Variants in OR2C1 observed in about 807,000 individuals in gnomAD.
OR2C1 encodes olfactory receptor 2C1.
For missense variants in OR2C1, 468 were observed against 388.3 expected (o/e 1.21, Z -1.73); for synonymous variants, 209 against 167.3 (o/e 1.25, Z -1.92).
chr16:3,323,984 C>G, the OR2C1 span: 2 of 512,964 alleles, frequency 3.9e-6, no homozygotes, highest in East Asian at 6.0e-5. Context: ...AATAGGTATA[C>G]TTCCAACATA....
chr16:3,338,376 C>T, the OR2C1 span, among the ~76,000 whole-genome samples: 2 of 152,018 alleles, frequency 1.3e-5, no homozygotes, highest in Admixed American at 6.6e-5. Context: ...TGGTTGTCCA[C>T]CTTGATCTTT....
the OR2C1 span, among the ~76,000 whole-genome samples, chr16:3,344,947 G>GTA: frequency 6.1e-3 from 928 of 151,558 alleles, 4 homozygotes; most frequent in Non-Finnish European, 0.01. Flanking sequence ...ATGTATGTGT[G>GTA]TATATATATA....
chr16:3,339,237 A>G, the OR2C1 span, among the ~76,000 whole-genome samples: 1 of 150,128 alleles, frequency 6.7e-6, no homozygotes, highest in Non-Finnish European at 1.5e-5. Context: ...TCAATCTACC[A>G]CAATTTGTTT....
At chr16:3,342,664 G>C in the OR2C1 span, among the ~76,000 whole-genome samples, 1 of 152,300 alleles carries the variant, frequency 6.6e-6, no homozygotes, top group South Asian at 2.1e-4. Flanking sequence ...TGGATCATGA[G>C]GTCGGGAGTT....
the OR2C1 span, among the ~76,000 whole-genome samples, chr16:3,325,490 T>A: frequency 1.2e-5 from 1 of 84,888 alleles, no homozygotes; most frequent in African/African-American, 3.3e-5. Context: ...TATATATATA[T>A]ATATATATAT....
At chr16:3,332,985 A>G in the OR2C1 span, among the ~76,000 whole-genome samples, 5 of 152,026 alleles carry the variant, frequency 3.3e-5, no homozygotes, top group African/African-American at 9.7e-5. Context: ...ACTAATTTAC[A>G]TTCCCAACAA....
the OR2C1 span, among the ~76,000 whole-genome samples, chr16:3,345,776 T>C: frequency 1.3e-5 from 2 of 149,078 alleles, no homozygotes; most frequent in Non-Finnish European, 1.5e-5. Flanking sequence ...TTTCTCTCCC[T>C]CTTTCTTTTT....
upstream of OR2C1, among the ~76,000 whole-genome samples, chr16:3,355,292 C>G (rs1301505473): frequency 6.6e-6 from 1 of 151,056 alleles, no homozygotes; most frequent in Non-Finnish European, 1.5e-5. Flanking sequence ...GAAACCCCGT[C>G]TCTACTAAAA....
chr16:3,344,029 G>A, the OR2C1 span, among the ~76,000 whole-genome samples: 3 of 152,078 alleles, frequency 2.0e-5, no homozygotes, highest in Non-Finnish European at 2.9e-5. Flanking sequence ...GACCAGCCAG[G>A]CCAACATGGC....
chr16:3,354,734 C>A (rs1042332788), upstream of OR2C1, among the ~76,000 whole-genome samples: 1 of 152,116 alleles, frequency 6.6e-6, no homozygotes, highest in East Asian at 1.9e-4. Flanking sequence ...TGCTTCCCCC[C>A]TTCCCTGAGC....
At position 3,356,788 on chromosome 16, in the gene OR2C1, C is replaced by T. The variant is rs376069655; in HGVS notation, c.848C>T (p.Pro283Leu). Residue 283 changes from proline (P) to leucine (L), a missense_variant, in exon 1 of 1, where the codon CCC (proline) becomes CTC (leucine). Coordinates refer to ENST00000304936, the MANE Select transcript of OR2C1 (RefSeq NM_012368.3). ...TCCCTGTTCTACTCGTTGGTCACAC[C>T]CATGGTGAATCCCCTCATCTACACG... ...FISLFYSLVT[P>L]MVNPLIYTLR... 222 of 1,605,590 alleles carry T rather than the reference C, an allele frequency of 1.4e-4. No homozygotes were observed. The highest frequency in any genetic ancestry group is 1.8e-4 in the Non-Finnish European group (216 of 1,175,466).
chr16:3,325,480 T>A, the OR2C1 span, among the ~76,000 whole-genome samples: 32 of 58,058 alleles, frequency 5.5e-4, no homozygotes, highest in African/African-American at 2.1e-3. Flanking sequence ...TATATATATA[T>A]ATATATATAT....
chr16:3,332,133 G>A, the OR2C1 span, among the ~76,000 whole-genome samples: 1 of 149,548 alleles, frequency 6.7e-6, no homozygotes, highest in Admixed American at 6.7e-5. Context: ...GCTAGATGAC[G>A]AGTTAGTGGG....
the OR2C1 span, among the ~76,000 whole-genome samples, chr16:3,325,460 AATATATAT>A: frequency 0.025 from 2,314 of 92,872 alleles, 40 homozygotes; most frequent in African/African-American, 0.042. Context: ...TATGTCTAAA[AATATATAT>A]ATATATATAT....
chr16:3,336,481 C>T, the OR2C1 span, among the ~76,000 whole-genome samples: 2 of 151,938 alleles, frequency 1.3e-5, no homozygotes, highest in African/African-American at 2.4e-5. Context: ...CCTGCCTCAG[C>T]CTCCTGAGTA....
At chr16:3,327,236 A>G in the OR2C1 span, among the ~76,000 whole-genome samples, 1 of 152,002 alleles carries the variant, frequency 6.6e-6, no homozygotes, top group Non-Finnish European at 1.5e-5. Context: ...TATCCCCTCC[A>G]GTTTTTTTAT....
In OR2C1 at chr16:3,356,655, A is replaced by T. The variant is rs2150852826; in HGVS notation, c.715A>T (p.Asn239Tyr). 6.2e-7 allele frequency: 1 copy of T among 1,614,116 alleles called. No homozygotes were observed. Among genetic ancestry groups the T allele is most frequent in the East Asian group, 2.2e-5 (1 of 44,872 alleles). ...TGCAGAGGGGAGGCGAAAGGCGTTC[A>T]ATACGTGCCTCTCCCATCTGCTGGT... ...RSAEGRRKAF[N>Y]TCLSHLLVVF... Residue 239 changes from asparagine to tyrosine, a missense_variant, in exon 1 of 1, where the codon AAT becomes TAT. Physicochemically the swap from Asn to Tyr is moderately radical, Grantham distance 143 (BLOSUM62 -2). Transcript: ENST00000304936.
upstream of OR2C1, among the ~76,000 whole-genome samples, chr16:3,351,199 CTTTTTTCTTTTTTTCTTTTTCTTTTT>C (rs1567284884): frequency 2.1e-3 from 95 of 44,750 alleles, 19 homozygotes; most frequent in African/African-American, 4.1e-3. Flanking sequence ...GAATTTAAGT[CTTTTTTCTTTTTTTCTTTTTCTTTTT>C]CTTTTTTTTT....
upstream of OR2C1, among the ~76,000 whole-genome samples, chr16:3,354,632 C>A (rs1184600762): frequency 6.6e-6 from 1 of 152,186 alleles, no homozygotes; most frequent in African/African-American, 2.4e-5. Flanking sequence ...CTAGATCCAG[C>A]ACTGAGGTAA....
Sources: gnomAD v4.1 joint callset for allele counts (sites outside exome capture counted in the v4.1 genomes callset) on GRCh38, gnomAD v4.1.1 for gene constraint, MANE v1.5 for transcripts, NCBI Gene and HGNC (gene_info 2026-07-23, HGNC 2026-07-21) for gene names.